Variants in RRAS2 observed in about 807,000 individuals in gnomAD.
RRAS2 encodes ras-related protein R-Ras2.
In RRAS2, 7 loss-of-function variants were observed where a neutral mutation model predicts 27.6. That is an observed-to-expected ratio of 0.25 (90% CI 0.14 to 0.48). The LOEUF (loss-of-function observed/expected upper bound fraction) is 0.48, where lower values mean the gene tolerates loss of function less well. Among genes scored for constraint, RRAS2 ranks in the 20% least tolerant of loss-of-function variants. RRAS2 has a pLI of 0.99. For missense variants in RRAS2, 178 were observed against 256.2 expected (o/e 0.69, Z 2.08); for synonymous variants, 86 against 90.9 (o/e 0.95, Z 0.31).
Position 14,328,110 on chromosome 11 carries a change from A to G in RRAS2, c.108+30653T>C, listed in dbSNP as rs964418795. ...TGGCCAGGCGCGGTGGCTCATGCCT[A>G]TAATTCTCGCACTTTTGGAGGCCGA... On this transcript the variant is annotated intron_variant, in intron 1 of 5. Transcript: ENST00000256196. Among the ~76,000 whole-genome samples the G allele has an allele frequency of 2.5e-4, 38 of 152,278 alleles. 1 individual carries two copies. The highest frequency in any genetic ancestry group is 1.9e-4 in the East Asian group (1 of 5,176).
At chr11:14,283,207 T>C (rs1554944576) in intron 4 of RRAS2, among the ~76,000 whole-genome samples, 1 of 152,220 alleles carries the variant, frequency 6.6e-6, no homozygotes, top group African/African-American at 2.4e-5. Flanking sequence ...ACTGCTAATA[T>C]GATGAATTAT....
chr11:14,312,680 CAAAGTG>C (rs1447321040), intron 1 of RRAS2, among the ~76,000 whole-genome samples: 1 of 152,148 alleles, frequency 6.6e-6, no homozygotes, highest in Non-Finnish European at 1.5e-5. Context: ...CTAGGACTCC[CAAAGTG>C]TTGGGATTAC....
At chr11:14,353,685 GACAGAC>G (rs1849013871) in intron 1 of RRAS2, among the ~76,000 whole-genome samples, 1 of 151,168 alleles carries the variant, frequency 6.6e-6, no homozygotes, top group Admixed American at 6.6e-5. Flanking sequence ...CACACACAGA[GACAGAC>G]ACAAAGAGAA....
chr11:14,313,107 G>A (rs1338434676), intron 1 of RRAS2, among the ~76,000 whole-genome samples: 1 of 152,172 alleles, frequency 6.6e-6, no homozygotes, highest in African/African-American at 2.4e-5. Context: ...TTTATGTGGA[G>A]ACAAACATGA....
intron 1 of RRAS2, among the ~76,000 whole-genome samples, chr11:14,319,954 T>C (rs1193616247): frequency 6.6e-6 from 1 of 152,222 alleles, no homozygotes; most frequent in Non-Finnish European, 1.5e-5. Context: ...TGTAGCTATG[T>C]TACATGTTTA....
intron 1 of RRAS2, among the ~76,000 whole-genome samples, chr11:14,324,691 A>G (rs782095903): frequency 5.9e-5 from 9 of 152,216 alleles, no homozygotes; most frequent in Non-Finnish European, 8.8e-5. Flanking sequence ...TTCCTGGCAC[A>G]TAGCAGTTGT....
upstream of RRAS2, chr11:14,359,199 A>C: frequency 7.1e-6 from 6 of 844,862 alleles, no homozygotes; most frequent in Non-Finnish European, 8.4e-6. Flanking sequence ...CCGGGCTGCC[A>C]GGCTGAGGTG....
intron 1 of RRAS2, among the ~76,000 whole-genome samples, chr11:14,332,093 A>G (rs1471621440): frequency 6.6e-6 from 1 of 152,194 alleles, no homozygotes; most frequent in African/African-American, 2.4e-5. Context: ...AAAATGGTAC[A>G]ACCATTTTAT....
At chr11:14,304,867 C>T (rs1399459386) in intron 1 of RRAS2, among the ~76,000 whole-genome samples, 2 of 152,186 alleles carry the variant, frequency 1.3e-5, no homozygotes, top group African/African-American at 4.8e-5. Context: ...AACCTTTGTT[C>T]CCTGCAACAT....
At chr11:14,282,038 G>T (rs1849552729) in intron 4 of RRAS2, among the ~76,000 whole-genome samples, 1 of 152,188 alleles carries the variant, frequency 6.6e-6, no homozygotes, top group South Asian at 2.1e-4. Context: ...ACCCTGTCAG[G>T]GAGATGAGCG....
At chr11:14,285,850 G>A (rs1443362931) in intron 4 of RRAS2, among the ~76,000 whole-genome samples, 8 of 151,930 alleles carry the variant, frequency 5.3e-5, no homozygotes, top group East Asian at 3.9e-4. Context: ...TTTTCCCCCC[G>A]TCTGGCTATT....
chr11:14,329,693 A>G (rs953453332), intron 1 of RRAS2, among the ~76,000 whole-genome samples: 1 of 152,214 alleles, frequency 6.6e-6, no homozygotes, highest in Admixed American at 6.5e-5. Context: ...AAAATAGAAC[A>G]AAAAAGCAGA....
Position 14,358,750 on chromosome 11 carries a change from C to A in RRAS2, c.108+13G>T. On this transcript the variant is annotated intron_variant, in intron 1 of 5. Transcript: ENST00000256196. This position sits in a 1 kb window ranked among gnomAD's most constrained non-coding sequence, Gnocchi z 5.1. ...CGCCGCTCCGGCGCCCCGGGCAGGCCCGCTCCAGGTACCTGGATGAACTGG... is the reference window on the plus strand; with the variant it reads ...CGCCGCTCCGGCGCCCCGGGCAGGCACGCTCCAGGTACCTGGATGAACTGG... The A allele has an allele frequency of 7.2e-7, 1 of 1,391,952 alleles. No homozygotes were observed. The highest frequency in any genetic ancestry group is 2.2e-5 in the Admixed American group (1 of 46,090). The allele number at this position is 1,391,952 out of a possible 1,614,324, so 86.2% of individuals were successfully genotyped here. A position where few individuals can be genotyped will look rare whatever the true frequency, so the allele number is the denominator to read the frequency against.
chr11:14,319,382 C>T (rs529658350), intron 1 of RRAS2, among the ~76,000 whole-genome samples: 157 of 116,174 alleles, frequency 1.4e-3, no homozygotes, highest in African/African-American at 5.0e-3. Flanking sequence ...GACGGAGTCT[C>T]GCTCTGTCGC....
chr11:14,298,694 A>G (rs1245627926), intron 1 of RRAS2, among the ~76,000 whole-genome samples: 2 of 152,286 alleles, frequency 1.3e-5, no homozygotes, highest in East Asian at 3.9e-4. Flanking sequence ...ACCATCATCT[A>G]CTGGCTACAC....
intron 1 of RRAS2, among the ~76,000 whole-genome samples, chr11:14,316,351 T>C (rs1010709538): frequency 6.6e-6 from 1 of 152,072 alleles, no homozygotes; most frequent in Non-Finnish European, 1.5e-5. Flanking sequence ...ACAGAAGGGG[T>C]ACAAAGGAGG....
chr11:14,358,664 G>A lies in RRAS2; in HGVS notation c.108+99C>T. The A allele has an allele frequency of 1.0e-6, 1 of 990,874 alleles. No individual in the cohort carries two copies. 61.4% of individuals were successfully genotyped at this position (990,874 alleles called of 1,614,324 possible). A position where few individuals can be genotyped will look rare whatever the true frequency, so the allele number is the denominator to read the frequency against. The stretch of plus-strand genomic sequence containing the variant: ...CCTGGCCCCGGCCCGGGCCCGCGAG[G>A]CGCCTCTGGGGCGAGGTCGCGGCGG... On this transcript the variant is annotated intron_variant, in intron 1 of 5. Transcript: ENST00000256196. This position sits in a 1 kb window ranked among gnomAD's most constrained non-coding sequence, Gnocchi z 5.1.
At chr11:14,288,486 G>C (rs1299801602) in intron 4 of RRAS2, among the ~76,000 whole-genome samples, 1 of 152,180 alleles carries the variant, frequency 6.6e-6, no homozygotes, top group Non-Finnish European at 1.5e-5. Context: ...CAGAGCCATA[G>C]CACTGTGGAA....
chr11:14,336,972 T>C (rs1456670423), intron 1 of RRAS2: 1 of 151,812 alleles, frequency 6.6e-6, no homozygotes, highest in East Asian at 1.9e-4. Flanking sequence ...CAAAAAAATA[T>C]TGAAAGCAGC....
Sources: gnomAD v4.1 joint callset for allele counts (sites outside exome capture counted in the v4.1 genomes callset) on GRCh38, gnomAD v4.1.1 for gene constraint, Gnocchi (gnomAD v3.1) non-coding constraint, MANE v1.5 for transcripts, NCBI Gene and HGNC (gene_info 2026-07-23, HGNC 2026-07-21) for gene names.